Variants in EVC2 observed in about 807,000 individuals in gnomAD.
EVC2 encodes the protein limbin.
A neutral mutation model predicts 149.3 loss-of-function variants in EVC2; 148 were observed. The observed-to-expected ratio is 0.99, with a 90% CI of 0.87 to 1.14. The LOEUF is 1.14. Among genes scored for constraint, EVC2 ranks in the 50% most tolerant of loss-of-function variants. The pLI is 0.00. For synonymous variants in EVC2, 776 were observed against 649.9 expected, an observed-to-expected ratio of 1.19 and a Z score of -2.95; for missense variants, 1,854 against 1,627.3, an observed-to-expected ratio of 1.14 and a Z score of -2.40.
intron 16 of EVC2, among the ~76,000 whole-genome samples, chr4:5,588,086 C>T (rs1403265581): frequency 1.3e-5 from 2 of 152,036 alleles, no homozygotes; most frequent in African/African-American, 2.4e-5. Context: ...TATGAATCTC[C>T]TAGTAAGGAA....
rs1714995808 is a variant in EVC2, at chr4:5,613,300, G to C, written c.2829+2122C>G. ...TCTGTGCACTGTGGCCTCCAGCACA[G>C]TCCAGGATACCCATTCCCTCTGCCA... On this transcript the variant is annotated intron_variant, in intron 16 of 21. Transcript: ENST00000344408. This position sits in a 1 kb window ranked among gnomAD's most constrained non-coding sequence, Gnocchi z 4.6. Among the ~76,000 whole-genome samples the C allele has an allele frequency of 6.6e-6, 1 of 152,150 alleles. No homozygotes were observed. Among genetic ancestry groups the C allele is most frequent in the South Asian group, 2.1e-4 (1 of 4,830 alleles).
At chr4:5,573,639 C>T (rs1027893176) in intron 19 of EVC2, among the ~76,000 whole-genome samples, 4 of 152,200 alleles carry the variant, frequency 2.6e-5, no homozygotes, top group African/African-American at 9.6e-5. Context: ...GGATTTCTGA[C>T]CTCCAGAACT....
At chr4:5,568,370 A>G in intron 20 of EVC2, 74 bp downstream of exon 20, 1 of 1,436,494 alleles carries the variant, frequency 7.0e-7, no homozygotes, top group Admixed American at 2.3e-5. Context: ...TGGGCCTCCC[A>G]TGACCTTGAG....
chr4:5,605,413 C>T (rs190324907), intron 16 of EVC2, among the ~76,000 whole-genome samples: 1 of 152,232 alleles, frequency 6.6e-6, no homozygotes, highest in East Asian at 1.9e-4. Context: ...GGGCTCCACC[C>T]GTGATGTGTG....
At chr4:5,531,843 C>T in the EVC2 span, among the ~76,000 whole-genome samples, 1 of 151,964 alleles carries the variant, frequency 6.6e-6, no homozygotes, top group East Asian at 1.9e-4. Flanking sequence ...TTTGAATCAT[C>T]CTGAAACCAC....
At chr4:5,704,853 G>A (rs1212695195) in intron 1 of EVC2, among the ~76,000 whole-genome samples, 1 of 149,700 alleles carries the variant, frequency 6.7e-6, no homozygotes, top group East Asian at 2.0e-4. Flanking sequence ...ATACAGGCAT[G>A]TGCTATCACA....
In EVC2 at chr4:5,618,647, TC is replaced by T. The variant is rs1715453700; in HGVS notation, c.2536del (p.Glu846ArgfsTer6). 3 of 1,609,992 alleles carry T rather than the reference TC, an allele frequency of 1.9e-6. No individual in the cohort carries two copies. Among genetic ancestry groups the T allele is most frequent in the East Asian group, 4.5e-5 (2 of 44,736 alleles). ...LCSSVFSLSE[E>X]ELLRMRQEVH... is the part of the protein sequence containing the mutation. ...CTCCTGCCTCATCCTGAGCAGCTCC[TC>T]TTCAGACAGGGAGAAGACTGAGGAG... On this transcript the variant is annotated frameshift_variant, in exon 15 of 22. Transcript: ENST00000344408. LOFTEE classifies it high-confidence loss of function. The surrounding 1 kb of genome is among the most constrained non-coding windows in gnomAD (Gnocchi z 4.4).
intron 16 of EVC2, among the ~76,000 whole-genome samples, chr4:5,598,772 G>A (rs977892047): frequency 1.8e-4 from 28 of 152,114 alleles, no homozygotes; most frequent in Non-Finnish European, 3.7e-4. Context: ...TACCACCAGA[G>A]TGAACAGGCA....
intron 16 of EVC2, among the ~76,000 whole-genome samples, chr4:5,609,534 T>C (rs1714658305): frequency 6.6e-6 from 1 of 152,160 alleles, no homozygotes; most frequent in Admixed American, 6.5e-5. Context: ...TGTCTGCCTT[T>C]CTTTGTGAGG....
chr4:5,692,174 G>A (rs1721162402), intron 3 of EVC2, among the ~76,000 whole-genome samples: 1 of 152,170 alleles, frequency 6.6e-6, no homozygotes, highest in African/African-American at 2.4e-5. Context: ...ATAATCGTAT[G>A]TTTTGTATAT....
chr4:5,616,199 C>T (rs566534316), intron 15 of EVC2, among the ~76,000 whole-genome samples: 1 of 152,300 alleles, frequency 6.6e-6, no homozygotes, highest in East Asian at 1.9e-4. Context: ...TCCCCACCTT[C>T]CCTCTCCCCT....
intron 9 of EVC2, among the ~76,000 whole-genome samples, chr4:5,642,014 C>T (rs570450939): frequency 2.3e-4 from 35 of 152,108 alleles, no homozygotes; most frequent in Admixed American, 7.9e-4. Flanking sequence ...TGTTCAACTC[C>T]CACTTATGAG....
Position 5,650,671 on chromosome 4 carries a change from A to AGAGAGG in EVC2, c.1146-9834_1146-9833insCCTCTC, listed in dbSNP as rs35334619. ...GAGAGAGAGAGAGAGAGAGAGAGAG[A>AGAGAGG]GCCATTTAATCATCACAAAAAAATC... On this transcript the variant is annotated intron_variant, in intron 9 of 21. Coordinates refer to ENST00000344408, the MANE Select transcript of EVC2 (RefSeq NM_147127.5). Among the ~76,000 whole-genome samples, 24 of 102,416 alleles carry AGAGAGG rather than the reference A, an allele frequency of 2.3e-4. 1 individual carries two copies. Among genetic ancestry groups the AGAGAGG allele is most frequent in the African/African-American group, 8.4e-4 (22 of 26,094 alleles). 67.2% of individuals were successfully genotyped at this position (102,416 alleles called of 152,430 possible).
intron 1 of EVC2, among the ~76,000 whole-genome samples, chr4:5,703,541 T>C (rs1031680581): frequency 6.6e-6 from 1 of 152,208 alleles, no homozygotes; most frequent in African/African-American, 2.4e-5. Flanking sequence ...CTCACACTTC[T>C]AGACTCTCAG....
intron 21 of EVC2, among the ~76,000 whole-genome samples, chr4:5,545,979 G>T (rs1473861205): frequency 1.3e-5 from 2 of 152,108 alleles, no homozygotes; most frequent in African/African-American, 4.8e-5. Context: ...ACCATCACTG[G>T]CCATCAGAGA....
intron 4 of EVC2, among the ~76,000 whole-genome samples, chr4:5,690,477 G>A (rs1481234391): frequency 1.3e-5 from 2 of 150,956 alleles, no homozygotes; most frequent in Non-Finnish European, 2.9e-5. Context: ...GAGTTGTGAT[G>A]GGTGCCTTGG....
Position 5,622,032 on chromosome 4 carries a change from T to C in EVC2, c.2501+505A>G, listed in dbSNP as rs1715724111. Reference sequence around the variant, plus strand: ...AGGGCCAGGTGAAAAGATGATGCAGTGTGGTGGAAGAACTAACACGAAGGT... The same window carrying C: ...AGGGCCAGGTGAAAAGATGATGCAGCGTGGTGGAAGAACTAACACGAAGGT... On this transcript the variant is annotated intron_variant, in intron 14 of 21. Transcript: ENST00000344408. The surrounding 1 kb of genome is among the most constrained non-coding windows in gnomAD (Gnocchi z 5.8). 6.6e-6 allele frequency among the ~76,000 whole-genome samples: 1 copy of C among 151,442 alleles called. No homozygotes were observed. The highest frequency in any genetic ancestry group is 1.5e-5 in the Non-Finnish European group (1 of 67,892).
chr4:5,640,809 T>A lies in EVC2; in HGVS notation c.1175A>T (p.Asp392Val). ...TGTTCGACAAGCCTCCAGATCTGCA[T>A]CTGCCCGATTCAGGGTTGCAATCTC... ...ELEIATLNRA[D>V]ADLEACRTQI... is the part of the protein sequence containing the mutation. The change falls in exon 10 of 22, where the codon GAT becomes GTT. Residue 392 changes from aspartate (D) to valine (V), a missense_variant. Physicochemically the swap from Asp to Val is radical, Grantham distance 152. Transcript: ENST00000344408. This position sits in a 1 kb window ranked among gnomAD's most constrained non-coding sequence, Gnocchi z 4.6. The A allele has an allele frequency of 6.2e-7, 1 of 1,614,184 alleles. No individual in the cohort carries two copies. Among genetic ancestry groups the A allele is most frequent in the Non-Finnish European group, 8.5e-7 (1 of 1,180,024 alleles).
intron 13 of EVC2, among the ~76,000 whole-genome samples, chr4:5,624,963 G>T (rs1715997194): frequency 1.3e-5 from 2 of 152,110 alleles, no homozygotes; most frequent in Non-Finnish European, 2.9e-5. Context: ...TCAGGGCTCT[G>T]TGTCAGTTTA....
Sources: gnomAD v4.1 joint callset for allele counts (sites outside exome capture counted in the v4.1 genomes callset) on GRCh38, gnomAD v4.1.1 for gene constraint, Gnocchi (gnomAD v3.1) non-coding constraint, MANE v1.5 for transcripts, NCBI Gene and HGNC (gene_info 2026-07-23, HGNC 2026-07-21) for gene names.